NELL2: variants seen among roughly 807,000 people sequenced by gnomAD.
The protein encoded by NELL2 is neural EGFL like 2.
In NELL2, 41 loss-of-function variants were observed where a neutral mutation model predicts 109.6. The ratio of observed to expected loss-of-function variants is 0.37; its 90% CI spans 0.29 to 0.49. NELL2 has a LOEUF of 0.49. Among genes scored for constraint, NELL2 ranks in the 20% least tolerant of loss-of-function variants. The pLI is 0.98. For synonymous variants in NELL2, 355 were observed against 344.7 expected (o/e 1.03, Z -0.33); for missense variants, 900 against 1,008.3 (o/e 0.89, Z 1.45).
rs180850247 is a variant in NELL2, at chr12:44,902,109, T to C, written c.38+11690A>G. Among the ~76,000 whole-genome samples the C allele has an allele frequency of 4.4e-3, 675 of 152,304 alleles. 4 individuals are homozygous for C. The highest frequency in any genetic ancestry group is 0.015 in the African/African-American group (620 of 41,558). ...TCAAATAGGAAGACAGGAAGTCAAA[T>C]TGTCTCTGTTTGCAGATGACATGAT... On this transcript the variant is annotated intron_variant, in intron 1 of 20. Coordinates refer to the NELL2 transcript ENST00000333837.
intron 2 of NELL2, among the ~76,000 whole-genome samples, chr12:44,838,360 T>C (rs1368065192): frequency 6.6e-6 from 1 of 152,204 alleles, no homozygotes; most frequent in African/African-American, 2.4e-5. Flanking sequence ...ACAAATTGTA[T>C]CAGTCCCTTG....
At chr12:44,707,008 T>C (rs1298344710) in intron 11 of NELL2, among the ~76,000 whole-genome samples, 1 of 152,200 alleles carries the variant, frequency 6.6e-6, no homozygotes, top group East Asian at 1.9e-4. Context: ...ATATAATACA[T>C]AATTATCAAG....
At chr12:44,644,739 A>G (rs955209065) in intron 13 of NELL2, among the ~76,000 whole-genome samples, 1 of 150,554 alleles carries the variant, frequency 6.6e-6, no homozygotes, top group African/African-American at 2.4e-5. Context: ...GGTAGCTAAT[A>G]TTTATTGGCT....
At chr12:44,891,761 CAGAAAA>C (rs1274252969) in intron 1 of NELL2, among the ~76,000 whole-genome samples, 10 of 152,132 alleles carry the variant, frequency 6.6e-5, no homozygotes, top group Non-Finnish European at 1.3e-4. Context: ...TGACATCAGG[CAGAAAA>C]TTGGAGCTCA....
intron 2 of NELL2, among the ~76,000 whole-genome samples, chr12:44,866,035 G>C (rs1944990747): frequency 6.6e-6 from 1 of 152,084 alleles, no homozygotes; most frequent in Non-Finnish European, 1.5e-5. Flanking sequence ...ATGGTCTCAT[G>C]AAAGAGACTG....
chr12:44,600,130 T>TAA (rs1370260874), intron 15 of NELL2, among the ~76,000 whole-genome samples: 14 of 38,672 alleles, frequency 3.6e-4, no homozygotes, highest in African/African-American at 1.0e-3. Flanking sequence ...CCCGGCTAAT[T>TAA]TATTTATTTA....
intron 9 of NELL2, among the ~76,000 whole-genome samples, chr12:44,722,831 C>A (rs934839613): frequency 7.9e-5 from 12 of 152,262 alleles, no homozygotes; most frequent in Admixed American, 1.3e-4. Context: ...CCTATACTCC[C>A]AAACCAGTAG....
At chr12:44,667,660 T>C (rs145070559) in intron 12 of NELL2, among the ~76,000 whole-genome samples, 3 of 152,296 alleles carry the variant, frequency 2.0e-5, no homozygotes, top group African/African-American at 4.8e-5. Flanking sequence ...AGCGAGTAGA[T>C]AGCCACATGT....
intron 13 of NELL2, among the ~76,000 whole-genome samples, chr12:44,624,989 T>C (rs1946188176): frequency 5.2e-5 from 1 of 19,102 alleles, no homozygotes; most frequent in South Asian, 1.5e-3. Context: ...TATATATATA[T>C]GTGTGTGTAT....
At chr12:44,548,961 C>A (rs536183766) in intron 15 of NELL2, among the ~76,000 whole-genome samples, 1 of 152,278 alleles carries the variant, frequency 6.6e-6, no homozygotes, top group Non-Finnish European at 1.5e-5. Flanking sequence ...AAGATAACCT[C>A]TGTAATTCTT....
chr12:44,742,979 A>G (rs1424671209), intron 9 of NELL2, among the ~76,000 whole-genome samples: 1 of 152,196 alleles, frequency 6.6e-6, no homozygotes, highest in African/African-American at 2.4e-5. Flanking sequence ...TGAGAAGAGC[A>G]ACACCAAGAC....
intron 12 of NELL2, among the ~76,000 whole-genome samples, chr12:44,677,882 A>C (rs1330001108): frequency 6.6e-6 from 1 of 152,062 alleles, no homozygotes; most frequent in Non-Finnish European, 1.5e-5. Context: ...ATAGTTTTAA[A>C]CAGGTTGAAT....
At chr12:44,539,343 G>GAACAA (rs907547767) in intron 15 of NELL2, among the ~76,000 whole-genome samples, 72 of 151,996 alleles carry the variant, frequency 4.7e-4, no homozygotes, top group African/African-American at 1.5e-3. Flanking sequence ...CAACAAAACA[G>GAACAA]AACAAAACAA....
In NELL2 at chr12:44,795,554, A is replaced by G. The variant is rs554480055; in HGVS notation, c.336-15532T>C. ...CAATAATCCCAATTTGGCATCATTT[A>G]TAAGGTCCAGATTCTTAAGGCTGAT... On this transcript the variant is annotated intron_variant, in intron 3 of 19. Coordinates refer to ENST00000429094, the MANE Select transcript of NELL2 (RefSeq NM_001145108.2). Among the ~76,000 whole-genome samples the G allele has an allele frequency of 3.7e-4, 57 of 152,298 alleles. 1 individual carries two copies. In the South Asian group the frequency reaches 0.011, roughly 28 times the overall value.
rs80042166 is a variant in NELL2 at position 44,697,336 on chromosome 12, A to G, written c.1318+6390T>C. 7.5e-3 allele frequency among the ~76,000 whole-genome samples: 1,142 copies of G among 152,278 alleles called. 9 individuals are homozygous for G. The highest frequency in any genetic ancestry group is 0.022 in the African/African-American group (902 of 41,574). ...GCCCTGACCAGGATGTCATTCCATC[A>G]TAACACCACTCACACACACCCACAG... On this transcript the variant is annotated intron_variant, in intron 12 of 19. Transcript: ENST00000429094.
At chr12:44,732,404 CACTT>C (rs1190817417) in intron 9 of NELL2, among the ~76,000 whole-genome samples, 4 of 151,894 alleles carry the variant, frequency 2.6e-5, no homozygotes, top group African/African-American at 9.7e-5. Context: ...GAAATAAACT[CACTT>C]ACATACAGGC....
At chr12:44,713,268 A>C (rs1222072105) in intron 10 of NELL2, among the ~76,000 whole-genome samples, 9 of 151,732 alleles carry the variant, frequency 5.9e-5, no homozygotes, top group Non-Finnish European at 1.3e-4. Flanking sequence ...AAAGAGAAGT[A>C]GAGAAACTTT....
intron 15 of NELL2, among the ~76,000 whole-genome samples, chr12:44,540,291 T>G (rs1024591062): frequency 3.9e-5 from 6 of 152,006 alleles, no homozygotes; most frequent in Non-Finnish European, 8.8e-5. Context: ...GACAGCAGCA[T>G]AGGGGAAAGT....
chr12:44,526,739 C>T (rs1392973637), intron 16 of NELL2, among the ~76,000 whole-genome samples: 2 of 152,166 alleles, frequency 1.3e-5, no homozygotes, highest in African/African-American at 2.4e-5. Flanking sequence ...GATTTTGCTG[C>T]GGAGCAGAAG....
Sources: gnomAD v4.1 joint callset for allele counts (sites outside exome capture counted in the v4.1 genomes callset) on GRCh38, gnomAD v4.1.1 for gene constraint, MANE v1.5 for transcripts, NCBI Gene and HGNC (gene_info 2026-07-23, HGNC 2026-07-21) for gene names.